FARS2: variants seen among roughly 807,000 people sequenced by gnomAD.
FARS2 encodes phenylalanyl-tRNA synthetase 2, mitochondrial.
FARS2 carries 40 observed loss-of-function variants against 46.4 expected under a neutral mutation model. The ratio of observed to expected loss-of-function variants is 0.86; its 90% CI spans 0.67 to 1.12. The LOEUF (loss-of-function observed/expected upper bound fraction) is 1.12. Ranked by LOEUF, FARS2 falls within the 50% of genes most tolerant of loss-of-function variation. The probability of loss-of-function intolerance (pLI) is 0.00; values close to 1 mark genes in which losing one functional copy is unlikely to be tolerated. For missense variants in FARS2, 513 were observed against 567.9 expected, an observed-to-expected ratio of 0.90 and a Z score of 0.98; for synonymous variants, 234 against 214.9, an observed-to-expected ratio of 1.09 and a Z score of -0.78.
chr6:5,579,680 A>C (rs1773213903), intron 5 of FARS2, among the ~76,000 whole-genome samples: 1 of 152,208 alleles, frequency 6.6e-6, no homozygotes, highest in Admixed American at 6.5e-5. Context: ...TTTATACGGC[A>C]TGTGGAGGGA....
intron 6 of FARS2, among the ~76,000 whole-genome samples, chr6:5,652,154 C>T (rs1443332941): frequency 6.6e-6 from 1 of 152,146 alleles, no homozygotes; most frequent in Non-Finnish European, 1.5e-5. Flanking sequence ...TGCTTCTCTT[C>T]GGTGATACAG....
intron 3 of FARS2, among the ~76,000 whole-genome samples, chr6:5,407,061 ATATAT>A (rs1562017909): frequency 1.4e-5 from 2 of 141,174 alleles, no homozygotes; most frequent in African/African-American, 2.6e-5. Context: ...ATATATATAT[ATATAT>A]AATGACCAAT....
At chr6:5,379,414 T>TC (rs1261390333) in intron 2 of FARS2, among the ~76,000 whole-genome samples, 1 of 152,112 alleles carries the variant, frequency 6.6e-6, no homozygotes, top group Non-Finnish European at 1.5e-5. Flanking sequence ...AATTACAAAC[T>TC]CCAACACAGA....
chr6:5,522,329 TGTCTGCAAGGGG>T (rs1226124064), intron 4 of FARS2, among the ~76,000 whole-genome samples: 2 of 152,200 alleles, frequency 1.3e-5, no homozygotes. Context: ...GGCCCCAGTC[TGTCTGCAAGGGG>T]GTTAGGCCAT....
At chr6:5,351,424 C>T (rs901048005) in intron 1 of FARS2, among the ~76,000 whole-genome samples, 1 of 152,216 alleles carries the variant, frequency 6.6e-6, no homozygotes. Context: ...ACAACTGGAC[C>T]TGAAATTTAG....
intron 4 of FARS2, among the ~76,000 whole-genome samples, chr6:5,464,498 G>A (rs142967858): frequency 8.3e-4 from 126 of 152,336 alleles, no homozygotes; most frequent in East Asian, 3.7e-3. Flanking sequence ...GTCAGGCCTT[G>A]CTGAACCTAT....
intron 5 of FARS2, among the ~76,000 whole-genome samples, chr6:5,593,590 CTTCACACT>C (rs903633524): frequency 2.6e-5 from 4 of 152,218 alleles, no homozygotes; most frequent in African/African-American, 9.6e-5. Context: ...CATTCAGGTT[CTTCACACT>C]TTCCGTGGGA....
chr6:5,546,033 C>G (rs953809471), intron 5 of FARS2, among the ~76,000 whole-genome samples: 13 of 151,944 alleles, frequency 8.6e-5, no homozygotes, highest in African/African-American at 1.2e-4. Context: ...GAGACTGAGG[C>G]AGGAGAATCA....
chr6:5,348,059 G>C (rs916309829), intron 1 of FARS2, among the ~76,000 whole-genome samples: 13 of 152,044 alleles, frequency 8.6e-5, no homozygotes, highest in African/African-American at 3.1e-4. Context: ...TGAGTTGTAG[G>C]AATTCTTCAT....
chr6:5,601,796 C>T (rs1774534235), intron 5 of FARS2, among the ~76,000 whole-genome samples: 1 of 151,986 alleles, frequency 6.6e-6, no homozygotes, highest in African/African-American at 2.4e-5. Flanking sequence ...GCACACAGCA[C>T]CCCACAAACG....
intron 1 of FARS2, chr6:5,272,419 C>T (rs1278594463): frequency 1.3e-5 from 2 of 152,012 alleles, no homozygotes; most frequent in East Asian, 1.9e-4. Flanking sequence ...AATGATATCA[C>T]GAACAGTTGC....
At chr6:5,282,770 G>C (rs556584845) in intron 1 of FARS2, among the ~76,000 whole-genome samples, 16 of 152,298 alleles carry the variant, frequency 1.1e-4, no homozygotes, top group African/African-American at 3.6e-4. Flanking sequence ...GTGGTTAAAG[G>C]CTGTTTTAAT....
At chr6:5,322,636 T>A (rs1442822777) in intron 1 of FARS2, among the ~76,000 whole-genome samples, 1 of 152,210 alleles carries the variant, frequency 6.6e-6, no homozygotes, top group Non-Finnish European at 1.5e-5. Flanking sequence ...GGAGGGCTCA[T>A]CTTCTTGAGT....
At chr6:5,393,568 G>T (rs1381578250) in intron 2 of FARS2, among the ~76,000 whole-genome samples, 2 of 152,156 alleles carry the variant, frequency 1.3e-5, no homozygotes, top group African/African-American at 4.8e-5. Context: ...TGAGGCAGGA[G>T]AATCACTTGA....
intron 5 of FARS2, among the ~76,000 whole-genome samples, chr6:5,606,040 A>G (rs190549608): frequency 1.3e-5 from 2 of 152,288 alleles, no homozygotes; most frequent in East Asian, 3.9e-4. Flanking sequence ...AAACTAGGTC[A>G]GTTAAGAGGA....
chr6:5,678,873 A>G (rs1232586280), intron 6 of FARS2, among the ~76,000 whole-genome samples: 1 of 152,164 alleles, frequency 6.6e-6, no homozygotes, highest in Non-Finnish European at 1.5e-5. Context: ...TTTCCCAAGA[A>G]CTTCTCTGAA....
chr6:5,709,695 T>C (rs62408089), intron 6 of FARS2, among the ~76,000 whole-genome samples: 72,180 of 114,040 alleles, frequency 0.63, 19,626 homozygotes, highest in Non-Finnish European at 0.67. Flanking sequence ...TGTGTGTGTG[T>C]GTGCGCATGC....
chr6:5,734,774 G>A (rs72821909), intron 6 of FARS2, among the ~76,000 whole-genome samples: 185 of 152,186 alleles, frequency 1.2e-3, no homozygotes, highest in Non-Finnish European at 1.9e-3. Context: ...TAAATAAGAC[G>A]GAAAGATAGA....
intron 5 of FARS2, among the ~76,000 whole-genome samples, chr6:5,607,875 A>T (rs1436591541): frequency 6.6e-6 from 1 of 152,130 alleles, no homozygotes; most frequent in Non-Finnish European, 1.5e-5. Flanking sequence ...GATATAGAAG[A>T]TTAGAATAAT....
Sources: allele counts gnomAD v4.1 joint callset (sites outside exome capture counted in the v4.1 genomes callset), GRCh38; gene constraint gnomAD v4.1.1; transcripts MANE v1.5; gene names NCBI Gene and HGNC (gene_info 2026-07-23, HGNC 2026-07-21).